The following CPQ variants were observed in gnomAD, a reference collection of about 807,000 sequenced individuals.
CPQ encodes carboxypeptidase Q, also known as Ser-Met dipeptidase.
In CPQ, 37 loss-of-function variants were observed where a neutral mutation model predicts 45.7. That is an observed-to-expected ratio of 0.81 (90% CI 0.62 to 1.07). The LOEUF is 1.07. CPQ is among the 50% of genes least tolerant of loss of function. The pLI is 0.00. For missense variants in CPQ, 537 were observed against 572.9 expected (o/e 0.94, Z 0.64); for synonymous variants, 186 against 205.8 (o/e 0.90, Z 0.82).
chr8:96,827,335 T>G (rs569532859), intron 2 of CPQ, among the ~76,000 whole-genome samples: 1 of 152,172 alleles, frequency 6.6e-6, no homozygotes, highest in Admixed American at 6.5e-5. Context: ...TCCTCTGTAC[T>G]CTTGGCTGCC....
rs150433410 is a variant in CPQ at position 97,109,840 on chromosome 8, C to T, written c.1256-33180C>T. Among the ~76,000 whole-genome samples the T allele has an allele frequency of 7.8e-3, 1,184 of 152,204 alleles. 9 individuals are homozygous for T. The highest frequency in any genetic ancestry group is 0.012 in the Non-Finnish European group (831 of 68,006). ...ACTCGTCCTCAGGCCAATGCACATC[C>T]CCAGCTCCCTACCTTCTATCTCCAT... On this transcript the variant is annotated intron_variant, in intron 7 of 7. Coordinates refer to ENST00000220763, the MANE Select transcript of CPQ (RefSeq NM_016134.4).
intron 7 of CPQ, among the ~76,000 whole-genome samples, chr8:97,096,134 G>C (rs914025770): frequency 4.6e-5 from 7 of 152,080 alleles, no homozygotes; most frequent in African/African-American, 1.4e-4. Flanking sequence ...GTTTTTAAAT[G>C]TTTTCCATTA....
rs1812325270 is a variant in CPQ at position 96,887,977 on chromosome 8, A to G, written c.849+7972A>G. Reference sequence around the variant, plus strand: ...TGGGGAACATTGAAATGAAAACTCTAGTTTGTTAACTGAACACTTCACTTT... The same window carrying G: ...TGGGGAACATTGAAATGAAAACTCTGGTTTGTTAACTGAACACTTCACTTT... On this transcript the variant is annotated intron_variant, in intron 4 of 7. Coordinates refer to ENST00000220763, the MANE Select transcript of CPQ (RefSeq NM_016134.4). Among the ~76,000 whole-genome samples, 5 of 152,314 alleles carry G rather than the reference A, an allele frequency of 3.3e-5. No homozygotes were observed. The South Asian group carries it at 1.0e-3, about 32-fold the overall frequency.
chr8:97,009,369 C>A (rs1809440951), intron 5 of CPQ, among the ~76,000 whole-genome samples: 1 of 152,202 alleles, frequency 6.6e-6, no homozygotes, highest in Non-Finnish European at 1.5e-5. Flanking sequence ...TCATCTCCTA[C>A]ATGTCACATC....
chr8:96,740,429 C>T (rs561540841), intron 1 of CPQ, among the ~76,000 whole-genome samples: 101 of 152,114 alleles, frequency 6.6e-4, no homozygotes, highest in African/African-American at 2.2e-3. Flanking sequence ...TTGACTTCCT[C>T]TTTTCCTAAT....
intron 6 of CPQ, among the ~76,000 whole-genome samples, chr8:97,031,173 GTTAAAAGAACTA>G (rs1294840828): frequency 6.9e-6 from 1 of 145,648 alleles, no homozygotes; most frequent in Non-Finnish European, 1.5e-5. Flanking sequence ...AAAAAGAATA[GTTAAAAGAACTA>G]TTCTTTTTTT....
chr8:96,791,195 G>A (rs1810841036), intron 2 of CPQ, among the ~76,000 whole-genome samples: 1 of 152,160 alleles, frequency 6.6e-6, no homozygotes, highest in Non-Finnish European at 1.5e-5. Context: ...GTTTGGGCAT[G>A]AACAACTGTC....
intron 4 of CPQ, among the ~76,000 whole-genome samples, chr8:96,944,224 C>T (rs193226014): frequency 8.8e-4 from 134 of 152,130 alleles, no homozygotes; most frequent in Non-Finnish European, 1.5e-3. Context: ...CTCTGGCCCA[C>T]CAGCCAAGAT....
chr8:96,702,660 C>G (rs139766773), intron 1 of CPQ, among the ~76,000 whole-genome samples: 2,820 of 152,268 alleles, frequency 0.019, 43 homozygotes, highest in Non-Finnish European at 0.025. Context: ...TAAACTGAGA[C>G]ATGGAGCCAT....
chr8:96,698,413 T>G (rs7825169), intron 1 of CPQ, among the ~76,000 whole-genome samples: 3,693 of 151,984 alleles, frequency 0.024, 165 homozygotes, highest in African/African-American at 0.084. Context: ...AAATATTGGG[T>G]GAAACTCTCT....
intron 1 of CPQ, among the ~76,000 whole-genome samples, chr8:96,773,475 G>T (rs1810571199): frequency 6.6e-6 from 1 of 152,148 alleles, no homozygotes; most frequent in Non-Finnish European, 1.5e-5. Flanking sequence ...ATGGAGAAAG[G>T]ATTAAAGGGA....
intron 1 of CPQ, among the ~76,000 whole-genome samples, chr8:96,699,080 CTAAG>C (rs1809423360): frequency 1.3e-5 from 2 of 152,128 alleles, no homozygotes; most frequent in Admixed American, 6.6e-5. Context: ...TGGGAGCAAA[CTAAG>C]TGTCCATCAA....
At chr8:96,683,494 T>C (rs1809178326) in intron 1 of CPQ, among the ~76,000 whole-genome samples, 1 of 152,158 alleles carries the variant, frequency 6.6e-6, no homozygotes, top group Non-Finnish European at 1.5e-5. Flanking sequence ...TATAATGTAA[T>C]TTAGAGAAGA....
intron 7 of CPQ, among the ~76,000 whole-genome samples, chr8:97,128,284 C>CT (rs1811879616): frequency 6.6e-6 from 1 of 152,184 alleles, no homozygotes; most frequent in African/African-American, 2.4e-5. Flanking sequence ...CTTCTGAGCT[C>CT]TAACTTTGGA....
chr8:97,074,894 C>T (rs1810815727), intron 7 of CPQ, among the ~76,000 whole-genome samples: 1 of 152,066 alleles, frequency 6.6e-6, no homozygotes, highest in African/African-American at 2.4e-5. Flanking sequence ...ATTCATCTTG[C>T]AGGGCAGTGG....
intron 2 of CPQ, among the ~76,000 whole-genome samples, chr8:96,796,614 C>G (rs1471014147): frequency 6.6e-6 from 1 of 152,156 alleles, no homozygotes; most frequent in African/African-American, 2.4e-5. Context: ...CTCTAAGGAA[C>G]AGTTCTTTAG....
intron 2 of CPQ, among the ~76,000 whole-genome samples, chr8:96,796,213 T>G (rs994829303): frequency 1.3e-5 from 2 of 152,164 alleles, no homozygotes; most frequent in Non-Finnish European, 2.9e-5. Context: ...AAAAGTGATA[T>G]TTCCCTATTA....
At chr8:97,105,210 G>A (rs1307548444) in intron 7 of CPQ, among the ~76,000 whole-genome samples, 3 of 152,114 alleles carry the variant, frequency 2.0e-5, no homozygotes, top group African/African-American at 4.8e-5. Flanking sequence ...TTAGATTATA[G>A]TAAAATAGAC....
chr8:96,891,743 C>T (rs1380697949), intron 4 of CPQ, among the ~76,000 whole-genome samples: 1 of 152,102 alleles, frequency 6.6e-6, no homozygotes, highest in African/African-American at 2.4e-5. Context: ...TGTCAAATTG[C>T]CCTCATAGCA....
Sources: allele counts gnomAD v4.1 joint callset (sites outside exome capture counted in the v4.1 genomes callset), GRCh38; gene constraint gnomAD v4.1.1; transcripts MANE v1.5; gene names NCBI Gene and HGNC (gene_info 2026-07-23, HGNC 2026-07-21).